RGS6: variants seen among roughly 807,000 people sequenced by gnomAD.
RGS6 encodes regulator of G protein signaling 6, also known as regulator of G-protein signaling 6.
In RGS6, 30 loss-of-function variants were observed where a neutral mutation model predicts 78.5. That is an observed-to-expected ratio of 0.38 (90% CI 0.29 to 0.52). RGS6 has a LOEUF of 0.52. RGS6 is among the 20% of genes least tolerant of loss of function. The pLI is 0.85. For missense variants in RGS6, 495 were observed against 609.7 expected (o/e 0.81, Z 1.98); for synonymous variants, 206 against 206.0 (o/e 1.00, Z 0.00).
At chr14:72,260,132 T>C (rs868398360) in intron 2 of RGS6, among the ~76,000 whole-genome samples, 58 of 152,306 alleles carry the variant, frequency 3.8e-4, no homozygotes, top group African/African-American at 1.1e-3. Context: ...GTTTTAAGTA[T>C]GCTTTTAACT....
chr14:72,147,914 GA>G (rs2096627981), intron 2 of RGS6, among the ~76,000 whole-genome samples: 2 of 152,070 alleles, frequency 1.3e-5, no homozygotes, highest in South Asian at 4.1e-4. Flanking sequence ...GGCAGATCAC[GA>G]AGTCAGGAGA....
At chr14:71,947,136 C>T (rs1388771875) in intron 1 of RGS6, among the ~76,000 whole-genome samples, 2 of 152,176 alleles carry the variant, frequency 1.3e-5, no homozygotes, top group Non-Finnish European at 1.5e-5. Flanking sequence ...AAGGGCACTC[C>T]TCCATGCCAG....
intron 2 of RGS6, among the ~76,000 whole-genome samples, chr14:72,342,434 C>T (rs1313428238): frequency 1.3e-5 from 2 of 151,908 alleles, no homozygotes; most frequent in Non-Finnish European, 2.9e-5. Context: ...GGCATGGTGG[C>T]ACACACATGT....
At chr14:72,590,397 A>C in the RGS6 span, among the ~76,000 whole-genome samples, 32 of 152,268 alleles carry the variant, frequency 2.1e-4, no homozygotes, top group Non-Finnish European at 2.9e-5. Flanking sequence ...ATGTTCACCG[A>C]CAGGTGAATG....
At chr14:72,599,371 T>C in the RGS6 span, among the ~76,000 whole-genome samples, 1 of 150,036 alleles carries the variant, frequency 6.7e-6, no homozygotes, top group African/African-American at 2.5e-5. Context: ...TGCAATTTCT[T>C]TTTTTCTTTT....
chr14:72,108,637 A>T (rs1166180593), intron 2 of RGS6, among the ~76,000 whole-genome samples: 1 of 151,956 alleles, frequency 6.6e-6, no homozygotes, highest in Non-Finnish European at 1.5e-5. Flanking sequence ...AAAAAAATTT[A>T]ATTTCCCCCT....
intron 2 of RGS6, among the ~76,000 whole-genome samples, chr14:71,989,331 C>G (rs1242284584): frequency 6.6e-6 from 1 of 152,236 alleles, no homozygotes; most frequent in African/African-American, 2.4e-5. Context: ...CTGGAAGGAA[C>G]AAGACAACCA....
chr14:72,171,764 C>G (rs1240099473), intron 2 of RGS6, among the ~76,000 whole-genome samples: 1 of 152,216 alleles, frequency 6.6e-6, no homozygotes, highest in Non-Finnish European at 1.5e-5. Flanking sequence ...ATTACCCTGA[C>G]CTTTCATATT....
At chr14:72,222,844 T>A (rs1026985498) in intron 2 of RGS6, among the ~76,000 whole-genome samples, 3 of 152,220 alleles carry the variant, frequency 2.0e-5, no homozygotes, top group Non-Finnish European at 4.4e-5. Flanking sequence ...CATGAGCAAA[T>A]CACTTCAATT....
At chr14:72,372,393 T>G (rs992445979) in intron 3 of RGS6, among the ~76,000 whole-genome samples, 7 of 152,228 alleles carry the variant, frequency 4.6e-5, no homozygotes, top group Admixed American at 2.6e-4. Context: ...TGACACCATT[T>G]TCTAGATCCA....
chr14:72,329,321 G>A (rs549511339), intron 2 of RGS6, among the ~76,000 whole-genome samples: 2 of 152,338 alleles, frequency 1.3e-5, no homozygotes, highest in South Asian at 4.1e-4. Context: ...AAATCTTATT[G>A]AGGGACAATA....
intron 17 of RGS6, among the ~76,000 whole-genome samples, chr14:72,558,928 G>A (rs556166044): frequency 3.3e-5 from 5 of 152,256 alleles, no homozygotes; most frequent in South Asian, 4.1e-4. Context: ...CAGCTGCTTC[G>A]CTCAGCTACG....
At chr14:72,520,692 G>T (rs572549755) in intron 15 of RGS6, among the ~76,000 whole-genome samples, 1 of 152,340 alleles carries the variant, frequency 6.6e-6, no homozygotes, top group South Asian at 2.1e-4. Flanking sequence ...TTCAAAATGA[G>T]TGGTTTGCTA....
intron 2 of RGS6, among the ~76,000 whole-genome samples, chr14:72,204,529 G>A (rs528545221): frequency 5.3e-4 from 80 of 152,302 alleles, no homozygotes; most frequent in Non-Finnish European, 8.5e-4. Context: ...TAAACTGGGT[G>A]GCTTATGGAC....
At chr14:72,163,341 G>C (rs2096879158) in intron 2 of RGS6, among the ~76,000 whole-genome samples, 1 of 152,142 alleles carries the variant, frequency 6.6e-6, no homozygotes, top group East Asian at 1.9e-4. Context: ...ATGACTACAG[G>C]AAATGAAATG....
At chr14:71,933,383 G>A (rs1361358924) in intron 1 of RGS6, 1 of 144,472 alleles carries the variant, frequency 6.9e-6, no homozygotes, top group Non-Finnish European at 1.5e-5. Context: ...TGGAAGAAAA[G>A]AAAGCGAGTC....
At chr14:72,156,222 G>A (rs920890731) in intron 2 of RGS6, among the ~76,000 whole-genome samples, 3 of 152,184 alleles carry the variant, frequency 2.0e-5, no homozygotes, top group African/African-American at 7.2e-5. Context: ...TGAGGCAGGA[G>A]GATCATGAGG....
intron 4 of RGS6, among the ~76,000 whole-genome samples, chr14:72,454,858 G>C (rs2095589590): frequency 6.6e-6 from 1 of 152,198 alleles, no homozygotes; most frequent in African/African-American, 2.4e-5. Flanking sequence ...ATTAGCTGCA[G>C]CAATTAAAGA....
chr14:71,893,776 G>C, the RGS6 span, among the ~76,000 whole-genome samples: 1 of 152,030 alleles, frequency 6.6e-6, no homozygotes. Flanking sequence ...TTAAAATGAG[G>C]GGGAATTTGG....
Sources: allele counts gnomAD v4.1 joint callset (sites outside exome capture counted in the v4.1 genomes callset), GRCh38; gene constraint gnomAD v4.1.1; transcripts MANE v1.5; gene names NCBI Gene and HGNC (gene_info 2026-07-23, HGNC 2026-07-21).